TBC1D19: variants seen among roughly 807,000 people sequenced by gnomAD.
TBC1D19 encodes the protein TBC1 domain family, member 19.
Under a neutral mutation model 89.0 loss-of-function variants are expected in TBC1D19, and 60 were observed. The ratio of observed to expected loss-of-function variants is 0.67; its 90% CI spans 0.55 to 0.84. TBC1D19 has a LOEUF of 0.84. Among genes scored for constraint, TBC1D19 ranks in the 40% least tolerant of loss-of-function variants. TBC1D19 has a pLI of 0.00. For synonymous variants in TBC1D19, 189 were observed against 199.7 expected (o/e 0.95, Z 0.45); for missense variants, 500 against 610.8 (o/e 0.82, Z 1.91).
At chr4:26,853,756 C>T in the TBC1D19 span, among the ~76,000 whole-genome samples, 5 of 152,200 alleles carry the variant, frequency 3.3e-5, no homozygotes, top group South Asian at 2.1e-4. Context: ...AGGCTGGGCT[C>T]GAACTCCTGA....
chr4:26,592,688 C>T (rs1184606734), intron 1 of TBC1D19, among the ~76,000 whole-genome samples: 2 of 151,172 alleles, frequency 1.3e-5, no homozygotes, highest in African/African-American at 4.9e-5. Context: ...TTCTTATACA[C>T]CAATAACAGA....
chr4:26,581,181 T>C (rs1241804264), upstream of TBC1D19, among the ~76,000 whole-genome samples: 1 of 152,212 alleles, frequency 6.6e-6, no homozygotes, highest in Non-Finnish European at 1.5e-5. Context: ...TCTACCCACC[T>C]TGGGTACAGT....
intron 13 of TBC1D19, among the ~76,000 whole-genome samples, chr4:26,706,399 A>G (rs1715740892): frequency 6.6e-6 from 1 of 151,982 alleles, no homozygotes; most frequent in Admixed American, 6.6e-5. Context: ...TCTTATTTTA[A>G]TAATTTGAGT....
At chr4:26,720,710 A>G (rs1286606525) in intron 15 of TBC1D19, among the ~76,000 whole-genome samples, 1 of 152,084 alleles carries the variant, frequency 6.6e-6, no homozygotes, top group Non-Finnish European at 1.5e-5. Flanking sequence ...TTGCATCCTG[A>G]AGAAGTTCTT....
intron 13 of TBC1D19, among the ~76,000 whole-genome samples, chr4:26,690,552 G>A (rs568335211): frequency 3.9e-4 from 59 of 152,230 alleles, no homozygotes; most frequent in Middle Eastern, 6.8e-3. Context: ...GCCAGTGCTC[G>A]TTCCATTTCA....
At chr4:26,662,078 C>T (rs1278214287) in intron 8 of TBC1D19, among the ~76,000 whole-genome samples, 1 of 152,118 alleles carries the variant, frequency 6.6e-6, no homozygotes, top group Non-Finnish European at 1.5e-5. Context: ...AATAACATTG[C>T]TTAGCAATAT....
At chr4:26,603,375 G>A (rs1740760532) in intron 1 of TBC1D19, among the ~76,000 whole-genome samples, 1 of 152,142 alleles carries the variant, frequency 6.6e-6, no homozygotes, top group South Asian at 2.1e-4. Flanking sequence ...CACAGTGCAA[G>A]GCTGATCAAT....
chr4:26,684,909 A>G (rs1049533457), intron 12 of TBC1D19, among the ~76,000 whole-genome samples: 9 of 152,194 alleles, frequency 5.9e-5, no homozygotes, highest in Non-Finnish European at 1.2e-4. Flanking sequence ...AGATACCAAC[A>G]TTTAGGCTAT....
At chr4:26,829,139 C>T in the TBC1D19 span, among the ~76,000 whole-genome samples, 1 of 152,160 alleles carries the variant, frequency 6.6e-6, no homozygotes, top group East Asian at 1.9e-4. Context: ...AATATGTTTG[C>T]TTTCAAATGG....
At chr4:26,690,637 A>G (rs1232484770) in intron 13 of TBC1D19, among the ~76,000 whole-genome samples, 1 of 152,224 alleles carries the variant, frequency 6.6e-6, no homozygotes, top group Non-Finnish European at 1.5e-5. Context: ...GAAAGCCTAG[A>G]TGACAGCACA....
chr4:26,616,860 G>A (rs191047658), intron 3 of TBC1D19, among the ~76,000 whole-genome samples: 286 of 152,010 alleles, frequency 1.9e-3, no homozygotes, highest in African/African-American at 6.6e-3. Flanking sequence ...ATATATTATT[G>A]TGTTAATAGC....
At chr4:26,690,444 A>T (rs1168934429) in intron 13 of TBC1D19, among the ~76,000 whole-genome samples, 1 of 152,248 alleles carries the variant, frequency 6.6e-6, no homozygotes, top group Non-Finnish European at 1.5e-5. Flanking sequence ...TAGAACTTTC[A>T]TAGCTAGAGA....
intron 18 of TBC1D19, among the ~76,000 whole-genome samples, chr4:26,742,868 C>G (rs1165195439): frequency 2.0e-5 from 3 of 151,992 alleles, no homozygotes; most frequent in Non-Finnish European, 2.9e-5. Flanking sequence ...CTATTCATAA[C>G]GAAAGGTGTC....
chr4:26,838,474 A>C, the TBC1D19 span, among the ~76,000 whole-genome samples: 1 of 152,196 alleles, frequency 6.6e-6, no homozygotes, highest in African/African-American at 2.4e-5. Flanking sequence ...AAAGAATTAT[A>C]CAATTTTCTC....
At position 26,653,472 on chromosome 4, in the gene TBC1D19, G is replaced by T. The variant is rs548257949; in HGVS notation, c.481-6125G>T. 7.9e-5 allele frequency among the ~76,000 whole-genome samples: 12 copies of T among 152,234 alleles called. No individual in the cohort carries two copies. The East Asian group carries it at 2.3e-3, about 29-fold the overall frequency. ...TGATCTGTCTAATGTTGACAGTGGG[G>T]TGTTAAAGTCTCCCATTATTATTGT... On this transcript the variant is annotated intron_variant, in intron 7 of 20. Coordinates refer to ENST00000264866, the MANE Select transcript of TBC1D19 (RefSeq NM_018317.4).
chr4:26,780,775 C>CATTT, the TBC1D19 span, among the ~76,000 whole-genome samples: 4 of 152,246 alleles, frequency 2.6e-5, no homozygotes, highest in East Asian at 7.7e-4. Flanking sequence ...TGAGAGAAGA[C>CATTT]ATTTCCTGGC....
chr4:26,750,131 C>T (rs1387545673), intron 19 of TBC1D19, among the ~76,000 whole-genome samples: 3 of 152,156 alleles, frequency 2.0e-5, no homozygotes, highest in Admixed American at 2.0e-4. Flanking sequence ...ACATGTACCC[C>T]TATTAAACCA....
At chr4:26,654,871 A>G (rs566381726) in intron 7 of TBC1D19, among the ~76,000 whole-genome samples, 2 of 152,160 alleles carry the variant, frequency 1.3e-5, no homozygotes, top group South Asian at 4.2e-4. Flanking sequence ...TCTTCTCTCA[A>G]TTCATCAAAT....
At chr4:26,713,753 C>T (rs1178730816) in intron 13 of TBC1D19, among the ~76,000 whole-genome samples, 1 of 151,910 alleles carries the variant, frequency 6.6e-6, no homozygotes, top group Non-Finnish European at 1.5e-5. Context: ...GTTCACACAG[C>T]TCCCTTTTAG....
Sources: allele counts gnomAD v4.1 joint callset (sites outside exome capture counted in the v4.1 genomes callset), GRCh38; gene constraint gnomAD v4.1.1; transcripts MANE v1.5; gene names NCBI Gene and HGNC (gene_info 2026-07-23, HGNC 2026-07-21).